Variants in ZNRF1 observed in about 807,000 individuals in gnomAD.
ZNRF1 encodes the protein E3 ubiquitin-protein ligase ZNRF1.
In ZNRF1, 3 loss-of-function variants were observed where a neutral mutation model predicts 18.4. The ratio of observed to expected loss-of-function variants is 0.16; its 90% CI spans 0.07 to 0.42. ZNRF1 has a LOEUF of 0.42. Among genes scored for constraint, ZNRF1 ranks in the 10% least tolerant of loss-of-function variants. The pLI, the probability that ZNRF1 is intolerant of heterozygous loss-of-function variation, is 0.99. For missense variants in ZNRF1, 310 were observed against 329.8 expected (o/e 0.94, Z 0.47); for synonymous variants, 157 against 144.2 (o/e 1.09, Z -0.64).
At chr16:75,036,555 C>CT (rs2035377973) in intron 1 of ZNRF1, among the ~76,000 whole-genome samples, 1 of 149,210 alleles carries the variant, frequency 6.7e-6, no homozygotes, top group Non-Finnish European at 1.5e-5. Flanking sequence ...CTATCCAATA[C>CT]TTTCATCTGT....
intron 1 of ZNRF1, among the ~76,000 whole-genome samples, chr16:75,039,841 G>A (rs2035420165): frequency 6.6e-6 from 1 of 152,150 alleles, no homozygotes; most frequent in Admixed American, 6.6e-5. Context: ...CTACCAGAAA[G>A]TATCCCAAAA....
intron 1 of ZNRF1, among the ~76,000 whole-genome samples, chr16:75,086,171 C>T (rs2036071477): frequency 6.6e-6 from 1 of 152,152 alleles, no homozygotes; most frequent in Non-Finnish European, 1.5e-5. Flanking sequence ...GTTTCAAATG[C>T]TGATCTCATC....
intron 1 of ZNRF1, among the ~76,000 whole-genome samples, chr16:75,029,173 G>A (rs943391074): frequency 2.7e-5 from 4 of 150,766 alleles, no homozygotes; most frequent in African/African-American, 9.8e-5. Context: ...TTGAGACGGA[G>A]TCTCGTGCTG....
chr16:75,069,275 C>T (rs2035841035), intron 1 of ZNRF1, among the ~76,000 whole-genome samples: 1 of 152,158 alleles, frequency 6.6e-6, no homozygotes, highest in African/African-American at 2.4e-5. Context: ...TCCTCTTACC[C>T]TGCTGTAAAT....
intron 1 of ZNRF1, among the ~76,000 whole-genome samples, chr16:75,069,079 G>T (rs1050007360): frequency 6.6e-6 from 1 of 152,018 alleles, no homozygotes; most frequent in African/African-American, 2.4e-5. Context: ...AGCCAAAGGG[G>T]TGAACAGCGT....
chr16:75,009,161 T>A (rs1320846540), intron 1 of ZNRF1, among the ~76,000 whole-genome samples: 1 of 152,218 alleles, frequency 6.6e-6, no homozygotes, highest in Non-Finnish European at 1.5e-5. Context: ...AAGCCACAAA[T>A]ACCCATAAGG....
intron 1 of ZNRF1, chr16:75,000,522 T>G: frequency 3.0e-6 from 1 of 330,150 alleles, no homozygotes; most frequent in South Asian, 2.4e-5. Flanking sequence ...TGTGTGAAAA[T>G]GAAATAAAAT....
rs369439957 is a variant in ZNRF1 at position 75,000,232 on chromosome 16, GA to G, written c.424+138del. 2.7e-5 allele frequency: 34 copies of G among 1,268,900 alleles called. No individual in the cohort carries two copies. The African/African-American group carries it at 4.8e-4, about 18-fold the overall frequency. 78.6% of individuals were successfully genotyped at this position (1,268,900 alleles called of 1,614,324 possible). On this transcript the variant is annotated intron_variant, in intron 1 of 4. Coordinates refer to ENST00000335325, the MANE Select transcript of ZNRF1 (RefSeq NM_032268.5). ...TTCCCTTTGGTTCCCGATGCCAAGG[GA>G]TAAATGGGATACCTACCGTCTGGAA...
chr16:75,033,817 T>C (rs1039546914), intron 1 of ZNRF1, among the ~76,000 whole-genome samples: 4 of 152,192 alleles, frequency 2.6e-5, no homozygotes, highest in Non-Finnish European at 4.4e-5. Context: ...GTTTAAAGAT[T>C]GTTAAAATTA....
At chr16:75,045,966 G>A (rs183688909) in intron 1 of ZNRF1, among the ~76,000 whole-genome samples, 4 of 151,760 alleles carry the variant, frequency 2.6e-5, no homozygotes, top group East Asian at 1.9e-4. Context: ...ACAATGGCAC[G>A]ATCTCAGCTC....
chr16:75,053,159 A>T (rs184613837), intron 1 of ZNRF1, among the ~76,000 whole-genome samples: 35 of 152,318 alleles, frequency 2.3e-4, no homozygotes, highest in Non-Finnish European at 4.1e-4. Context: ...CCCACCCCAC[A>T]TAATAAAACT....
chr16:75,016,824 C>T (rs899523301), intron 1 of ZNRF1, among the ~76,000 whole-genome samples: 2 of 64,666 alleles, frequency 3.1e-5, no homozygotes, highest in Non-Finnish European at 9.9e-5. Flanking sequence ...GGATTACAGG[C>T]GTGAGCCACC....
intron 1 of ZNRF1, among the ~76,000 whole-genome samples, chr16:75,030,833 C>CTTTTTTTTTTTT (rs59468839): frequency 5.5e-5 from 5 of 91,380 alleles, no homozygotes; most frequent in Non-Finnish European, 8.9e-5. Context: ...CACTTTATTC[C>CTTTTTTTTTTTT]TTTTTTTTTT....
At chr16:75,041,128 T>C (rs2035442293) in intron 1 of ZNRF1, among the ~76,000 whole-genome samples, 1 of 152,174 alleles carries the variant, frequency 6.6e-6, no homozygotes, top group South Asian at 2.1e-4. Context: ...GGACATAAGA[T>C]TCCATATGAG....
intron 1 of ZNRF1, among the ~76,000 whole-genome samples, chr16:75,006,232 T>C (rs1396607918): frequency 1.3e-5 from 2 of 152,140 alleles, no homozygotes; most frequent in Admixed American, 1.3e-4. Flanking sequence ...GTATACCCAA[T>C]TATAAAACTA....
At chr16:75,105,152 G>A (rs760045080) in intron 3 of ZNRF1, 6 of 398,394 alleles carry the variant, frequency 1.5e-5, no homozygotes, top group East Asian at 5.2e-5. Context: ...GGGGAGACCC[G>A]TAGAGCCTCA....
At chr16:75,014,403 A>G (rs16952851) in intron 1 of ZNRF1, among the ~76,000 whole-genome samples, 1,590 of 152,304 alleles carry the variant, frequency 0.01, 21 homozygotes, top group African/African-American at 0.035. Context: ...GGAAGGAGAA[A>G]GATATTATGA....
intron 1 of ZNRF1, among the ~76,000 whole-genome samples, chr16:75,035,628 C>T (rs1030584272): frequency 2.0e-5 from 3 of 152,158 alleles, no homozygotes; most frequent in African/African-American, 7.2e-5. Flanking sequence ...GCCAAGTGGG[C>T]AACTTGAGAG....
At position 75,050,893 on chromosome 16, in the gene ZNRF1, AAAAAAC is replaced by A. The variant is rs1414873797; in HGVS notation, c.425-42673_425-42668del. Among the ~76,000 whole-genome samples, 320 of 126,428 alleles carry A rather than the reference AAAAAAC, an allele frequency of 2.5e-3. 51 individuals are homozygous for A. Among genetic ancestry groups the A allele is most frequent in the African/African-American group, 8.2e-3 (244 of 29,708 alleles). 82.9% of individuals were successfully genotyped at this position (126,428 alleles called of 152,430 possible). On this transcript the variant is annotated intron_variant, in intron 1 of 4. Coordinates refer to ENST00000335325, the MANE Select transcript of ZNRF1 (RefSeq NM_032268.5). ...CTCAAAAAAAAAAAAAAAAAACAAA[AAAAAAC>A]AAAAAACTTGTAGCCAGGTACAGTG...
Sources: allele counts gnomAD v4.1 joint callset (sites outside exome capture counted in the v4.1 genomes callset), GRCh38; gene constraint gnomAD v4.1.1; transcripts MANE v1.5; gene names NCBI Gene and HGNC (gene_info 2026-07-23, HGNC 2026-07-21).